ZFAND3: variants seen among roughly 807,000 people sequenced by gnomAD.
The protein encoded by ZFAND3 is zinc finger AN1-type containing 3.
Under a neutral mutation model 29.6 loss-of-function variants are expected in ZFAND3, and 10 were observed. The observed-to-expected ratio is 0.34, with a 90% confidence interval of 0.21 to 0.57. The LOEUF (loss-of-function observed/expected upper bound fraction) is 0.57, where lower values mean the gene tolerates loss of function less well. Among genes scored for constraint, ZFAND3 ranks in the 20% least tolerant of loss-of-function variants. The pLI, the probability that ZFAND3 is intolerant of heterozygous loss-of-function variation, is 0.86. For synonymous variants in ZFAND3, 128 were observed against 112.6 expected (o/e 1.14, Z -0.87); for missense variants, 230 against 304.5 (o/e 0.76, Z 1.82).
intron 4 of ZFAND3, among the ~76,000 whole-genome samples, chr6:38,099,005 A>G (rs1359505825): frequency 5.3e-5 from 8 of 152,188 alleles, no homozygotes; most frequent in Non-Finnish European, 1.2e-4. Context: ...GTATTGGTGG[A>G]AAGTAATTCT....
At chr6:37,969,779 C>T (rs1762355373) in intron 2 of ZFAND3, among the ~76,000 whole-genome samples, 1 of 151,862 alleles carries the variant, frequency 6.6e-6, no homozygotes, top group Non-Finnish European at 1.5e-5. Flanking sequence ...TCTCTGTTCC[C>T]CTGTACTAGA....
chr6:37,921,931 G>C (rs1336880581), intron 1 of ZFAND3, among the ~76,000 whole-genome samples: 1 of 151,698 alleles, frequency 6.6e-6, no homozygotes, highest in Non-Finnish European at 1.5e-5. Context: ...GAGTGTGGTG[G>C]CATGTACCTG....
intron 2 of ZFAND3, among the ~76,000 whole-genome samples, chr6:37,957,422 T>C (rs1468695928): frequency 6.6e-6 from 1 of 152,092 alleles, no homozygotes; most frequent in Non-Finnish European, 1.5e-5. Flanking sequence ...GTGGGGATGG[T>C]GATAACCTGC....
At chr6:38,061,822 C>T in intron 3 of ZFAND3, 47 bp downstream of exon 3, 1 of 1,590,056 alleles carries the variant, frequency 6.3e-7, no homozygotes, top group South Asian at 1.1e-5. Flanking sequence ...AGCTTAAGAA[C>T]TTTAGATGAG....
intron 4 of ZFAND3, among the ~76,000 whole-genome samples, chr6:38,090,442 C>T (rs894211018): frequency 1.3e-5 from 2 of 152,180 alleles, no homozygotes; most frequent in African/African-American, 4.8e-5. Context: ...ACCTTATGCA[C>T]TCATCATCTT....
intron 2 of ZFAND3, among the ~76,000 whole-genome samples, chr6:37,989,243 A>G (rs1762720230): frequency 6.6e-6 from 1 of 152,226 alleles, no homozygotes; most frequent in Non-Finnish European, 1.5e-5. Flanking sequence ...GTACTATCCT[A>G]GCATAGGGAT....
intron 2 of ZFAND3, among the ~76,000 whole-genome samples, chr6:37,954,955 C>T (rs1423041885): frequency 6.6e-6 from 1 of 152,210 alleles, no homozygotes; most frequent in African/African-American, 2.4e-5. Flanking sequence ...GGTATAGTTA[C>T]CTCTAACCCT....
intron 2 of ZFAND3, among the ~76,000 whole-genome samples, chr6:37,972,005 C>A (rs1321345464): frequency 6.6e-6 from 1 of 151,684 alleles, no homozygotes; most frequent in African/African-American, 2.4e-5. Context: ...AAATAAAAAT[C>A]TTTGCTTTCA....
At chr6:37,868,583 GAAGCCAAAAACC>G (rs1270975751) in intron 1 of ZFAND3, among the ~76,000 whole-genome samples, 1 of 152,148 alleles carries the variant, frequency 6.6e-6, no homozygotes, top group African/African-American at 2.4e-5. Context: ...GTGGTTATAG[GAAGCCAAAAACC>G]AAGCCAAAGA....
intron 1 of ZFAND3, among the ~76,000 whole-genome samples, chr6:37,868,971 C>A (rs573670658): frequency 4.6e-5 from 7 of 152,084 alleles, no homozygotes; most frequent in African/African-American, 1.7e-4. Flanking sequence ...TGTGAATATT[C>A]GCATTTGATA....
At chr6:37,831,481 G>A (rs1177438280) in intron 1 of ZFAND3, among the ~76,000 whole-genome samples, 1 of 152,184 alleles carries the variant, frequency 6.6e-6, no homozygotes, top group East Asian at 1.9e-4. Flanking sequence ...TCTGGCTTCT[G>A]CCCTGAGAAA....
At chr6:38,125,066 A>G (rs755680511) in intron 5 of ZFAND3, among the ~76,000 whole-genome samples, 12 of 152,212 alleles carry the variant, frequency 7.9e-5, no homozygotes, top group Non-Finnish European at 1.2e-4. Flanking sequence ...AAGTTCCACA[A>G]CCTTTTGATG....
chr6:37,825,877 T>G (rs1763751651), intron 1 of ZFAND3, among the ~76,000 whole-genome samples: 1 of 152,156 alleles, frequency 6.6e-6, no homozygotes, highest in South Asian at 2.1e-4. Flanking sequence ...AACAGAATAC[T>G]TAGAGGGTGA....
At chr6:37,864,613 T>C (rs192264838) in intron 1 of ZFAND3, among the ~76,000 whole-genome samples, 116 of 152,270 alleles carry the variant, frequency 7.6e-4, no homozygotes, top group African/African-American at 2.6e-3. Flanking sequence ...AGAGGGGACA[T>C]AGCCATTTTT....
intron 2 of ZFAND3, among the ~76,000 whole-genome samples, chr6:38,019,754 CTG>C (rs1285673350): frequency 6.6e-6 from 1 of 152,242 alleles, no homozygotes; most frequent in African/African-American, 2.4e-5. Context: ...GAGTCTCACT[CTG>C]TTGCCCAGGC....
intron 1 of ZFAND3, among the ~76,000 whole-genome samples, chr6:37,823,020 AGGAGCTAC>A (rs1474941311): frequency 6.6e-5 from 10 of 152,300 alleles, no homozygotes; most frequent in African/African-American, 1.9e-4. Context: ...GAGTGCAGTG[AGGAGCTAC>A]TCAAGAACTT....
intron 2 of ZFAND3, among the ~76,000 whole-genome samples, chr6:38,051,184 C>T (rs1440680283): frequency 6.6e-6 from 1 of 152,148 alleles, no homozygotes; most frequent in East Asian, 1.9e-4. Flanking sequence ...TTCCCAGTCC[C>T]ACCACCATCC....
At chr6:38,071,392 T>A (rs1257172448) in intron 3 of ZFAND3, among the ~76,000 whole-genome samples, 1 of 152,116 alleles carries the variant, frequency 6.6e-6, no homozygotes, top group African/African-American at 2.4e-5. Flanking sequence ...TTATTTTGTA[T>A]TTAAGGCATA....
intron 2 of ZFAND3, among the ~76,000 whole-genome samples, chr6:37,993,647 T>C (rs1762799315): frequency 6.6e-6 from 1 of 152,188 alleles, no homozygotes; most frequent in Non-Finnish European, 1.5e-5. Flanking sequence ...TTAAAGAGAC[T>C]GTTTTTCTCC....
Sources: allele counts gnomAD v4.1 joint callset (sites outside exome capture counted in the v4.1 genomes callset), GRCh38; gene constraint gnomAD v4.1.1; transcripts MANE v1.5; gene names NCBI Gene and HGNC (gene_info 2026-07-23, HGNC 2026-07-21).